PABPC4L: variants seen among roughly 807,000 people sequenced by gnomAD.
PABPC4L encodes the protein polyadenylate-binding protein 4-like.
For missense variants in PABPC4L, 452 were observed against 451.4 expected (o/e 1.00, Z -0.01); for synonymous variants, 169 against 164.1 (o/e 1.03, Z -0.23).
the PABPC4L span, among the ~76,000 whole-genome samples, chr4:134,172,593 A>G: frequency 2.0e-5 from 3 of 152,110 alleles, no homozygotes; most frequent in Non-Finnish European, 4.4e-5. Flanking sequence ...TTCTGGACAT[A>G]AGTCCTGGCA....
At chr4:134,140,818 G>T in the PABPC4L span, among the ~76,000 whole-genome samples, 1 of 151,624 alleles carries the variant, frequency 6.6e-6, no homozygotes, top group Non-Finnish European at 1.5e-5. Flanking sequence ...CAAGGTGACT[G>T]GATGGTAGTA....
At chr4:134,005,065 A>C in the PABPC4L span, among the ~76,000 whole-genome samples, 2 of 151,820 alleles carry the variant, frequency 1.3e-5, no homozygotes, top group African/African-American at 2.4e-5. Context: ...GACTATAATA[A>C]TGATAATGTA....
chr4:134,133,773 G>C, the PABPC4L span, among the ~76,000 whole-genome samples: 1 of 151,712 alleles, frequency 6.6e-6, no homozygotes, highest in African/African-American at 2.4e-5. Context: ...GACCACTAAA[G>C]AACTTATTCA....
chr4:133,998,463 C>T, the PABPC4L span, among the ~76,000 whole-genome samples: 1 of 151,596 alleles, frequency 6.6e-6, no homozygotes, highest in Non-Finnish European at 1.5e-5. Flanking sequence ...TATACTATTG[C>T]AAAAATAAAA....
At chr4:134,171,933 T>A in the PABPC4L span, among the ~76,000 whole-genome samples, 2 of 151,284 alleles carry the variant, frequency 1.3e-5, no homozygotes, top group Non-Finnish European at 3.0e-5. Flanking sequence ...ACAAAAACAA[T>A]AAAATACCTA....
the PABPC4L span, among the ~76,000 whole-genome samples, chr4:134,144,472 G>A: frequency 1.8e-4 from 27 of 150,638 alleles, 1 homozygote; most frequent in South Asian, 8.4e-4. Flanking sequence ...ATCTATTGAT[G>A]TCATAAATCA....
At chr4:134,123,706 G>C in the PABPC4L span, among the ~76,000 whole-genome samples, 2 of 151,884 alleles carry the variant, frequency 1.3e-5, no homozygotes, top group Admixed American at 1.3e-4. Context: ...TGTGAAGAAA[G>C]TCTGACCAAC....
At chr4:134,157,265 G>GT in the PABPC4L span, among the ~76,000 whole-genome samples, 5,219 of 141,434 alleles carry the variant, frequency 0.037, 267 homozygotes, top group African/African-American at 0.12. Context: ...AATGCTCTTA[G>GT]TTTTTTTTTT....
At chr4:134,058,935 T>C in the PABPC4L span, among the ~76,000 whole-genome samples, 1 of 151,900 alleles carries the variant, frequency 6.6e-6, no homozygotes, top group Admixed American at 6.6e-5. Flanking sequence ...CAGTGAACAC[T>C]GAAATCTAAG....
the PABPC4L span, among the ~76,000 whole-genome samples, chr4:134,064,385 A>G: frequency 6.6e-6 from 1 of 152,090 alleles, no homozygotes; most frequent in African/African-American, 2.4e-5. Context: ...ACATATTATA[A>G]TAAAGAGGCA....
At chr4:133,965,996 G>A in the PABPC4L span, among the ~76,000 whole-genome samples, 27 of 152,106 alleles carry the variant, frequency 1.8e-4, no homozygotes, top group Admixed American at 6.6e-5. Flanking sequence ...AAGAGCTTTT[G>A]CACAACAAAA....
the PABPC4L span, among the ~76,000 whole-genome samples, chr4:134,022,393 G>A: frequency 1.3e-5 from 2 of 152,046 alleles, no homozygotes; most frequent in Non-Finnish European, 2.9e-5. Context: ...AGGAGGCAAA[G>A]ACGTTACGAA....
the PABPC4L span, among the ~76,000 whole-genome samples, chr4:134,121,176 T>C: frequency 6.6e-6 from 1 of 151,366 alleles, no homozygotes; most frequent in African/African-American, 2.4e-5. Context: ...TTATAAATAT[T>C]ATCTCATAAA....
At chr4:134,113,388 T>A in the PABPC4L span, among the ~76,000 whole-genome samples, 3 of 151,948 alleles carry the variant, frequency 2.0e-5, no homozygotes, top group African/African-American at 7.2e-5. Flanking sequence ...TTTTCTTTTA[T>A]ATCATATTTT....
At chr4:134,170,375 T>G in the PABPC4L span, among the ~76,000 whole-genome samples, 1 of 152,180 alleles carries the variant, frequency 6.6e-6, no homozygotes, top group African/African-American at 2.4e-5. Context: ...TAGGTGTACA[T>G]GTGTCTTTAT....
At chr4:134,183,768 A>C in the PABPC4L span, among the ~76,000 whole-genome samples, 1 of 151,906 alleles carries the variant, frequency 6.6e-6, no homozygotes. Flanking sequence ...ATTCTACACA[A>C]AATCTATAAA....
chr4:134,171,661 C>T, the PABPC4L span, among the ~76,000 whole-genome samples: 1 of 152,004 alleles, frequency 6.6e-6, no homozygotes, highest in African/African-American at 2.4e-5. Flanking sequence ...TACTATAAGT[C>T]CTAGCCAGAG....
At chr4:134,189,664 G>C in the PABPC4L span, among the ~76,000 whole-genome samples, 15 of 152,066 alleles carry the variant, frequency 9.9e-5, no homozygotes, top group Admixed American at 4.6e-4. Flanking sequence ...GGGTGGAAGG[G>C]AAGCATCCTG....
chr4:133,979,910 T>C, the PABPC4L span, among the ~76,000 whole-genome samples: 178 of 152,334 alleles, frequency 1.2e-3, no homozygotes, highest in Non-Finnish European at 2.2e-3. Context: ...TTTTCCATTG[T>C]AGGCTACAAT....
Sources: gnomAD v4.1 joint callset for allele counts (sites outside exome capture counted in the v4.1 genomes callset) on GRCh38, gnomAD v4.1.1 for gene constraint, MANE v1.5 for transcripts, NCBI Gene and HGNC (gene_info 2026-07-23, HGNC 2026-07-21) for gene names.